SMG6: variants seen among roughly 807,000 people sequenced by gnomAD.
SMG6 encodes the protein SMG6 nonsense mediated mRNA decay factor, also known as telomerase-binding protein EST1A.
A neutral mutation model predicts 142.2 loss-of-function variants in SMG6; 66 were observed. The ratio of observed to expected loss-of-function variants is 0.46; its 90% CI spans 0.38 to 0.57. The LOEUF (loss-of-function observed/expected upper bound fraction) is 0.57, where lower values mean the gene tolerates loss of function less well. SMG6 is among the 20% of genes least tolerant of loss of function. SMG6 has a pLI of 0.00. For synonymous variants in SMG6, 779 were observed against 702.4 expected (o/e 1.11, Z -1.72); for missense variants, 1,793 against 1,832.0 (o/e 0.98, Z 0.39).
chr17:2,277,165 ATTTTTTATTTTTTTT>A (rs2074674394), intron 8 of SMG6, among the ~76,000 whole-genome samples: 5 of 63,432 alleles, frequency 7.9e-5, no homozygotes, highest in African/African-American at 1.8e-4. Context: ...TTATTTATTT[ATTTTTTATTTTTTTT>A]TTTTTTGAGA....
rs762565331 is a variant in SMG6, at chr17:2,300,579, C to A, written c.174G>T (p.Arg58=). 1 of 1,613,998 alleles carries A rather than the reference C, an allele frequency of 6.2e-7. No homozygotes were observed. The highest frequency in any genetic ancestry group is 2.2e-5 in the East Asian group (1 of 44,880). Reference sequence around the variant, plus strand: ...CCTTGATTTTGGGCTTGTTCCTTAGCCGAGAAAGGCCAGGCTTATAGATTT... The same window carrying A: ...CCTTGATTTTGGGCTTGTTCCTTAGACGAGAAAGGCCAGGCTTATAGATTT... ...DLEIYKPGLS[R]LRNKPKIKEP... The change falls in exon 2 of 19, where the codon CGG becomes CGT. Residue 58 remains arginine (R), a synonymous_variant. Transcript: ENST00000263073.
At chr17:2,131,006 A>C (rs1192838549) in intron 13 of SMG6, among the ~76,000 whole-genome samples, 6 of 152,188 alleles carry the variant, frequency 3.9e-5, no homozygotes, top group Non-Finnish European at 8.8e-5. Context: ...TCCGTCTTTA[A>C]AAAAAGATCA....
chr17:2,224,924 T>A (rs1597643852), intron 10 of SMG6, among the ~76,000 whole-genome samples: 1 of 152,142 alleles, frequency 6.6e-6, no homozygotes, highest in African/African-American at 2.4e-5. Flanking sequence ...ATAGCTGACT[T>A]TAATCAACAA....
intron 13 of SMG6, among the ~76,000 whole-genome samples, chr17:2,119,110 T>G (rs1449985992): frequency 6.7e-6 from 1 of 150,196 alleles, no homozygotes; most frequent in East Asian, 2.0e-4. Flanking sequence ...CAGGCTGGAG[T>G]GCAGTGGCAC....
chr17:2,214,670 T>C (rs906323591), intron 10 of SMG6, among the ~76,000 whole-genome samples: 2 of 152,166 alleles, frequency 1.3e-5, no homozygotes, highest in African/African-American at 2.4e-5. Flanking sequence ...AAGGGCAAAA[T>C]GTGACTGTCA....
At chr17:2,120,762 G>A (rs2069663946) in intron 13 of SMG6, among the ~76,000 whole-genome samples, 1 of 152,232 alleles carries the variant, frequency 6.6e-6, no homozygotes, top group East Asian at 1.9e-4. Context: ...TCATCAGGGA[G>A]ATACAAATTA....
At chr17:2,166,971 C>CA (rs2071357444) in intron 13 of SMG6, among the ~76,000 whole-genome samples, 1 of 151,410 alleles carries the variant, frequency 6.6e-6, no homozygotes, top group African/African-American at 2.4e-5. Flanking sequence ...ACTAAAAATA[C>CA]AAAAAAATTA....
rs758996856 is a variant in SMG6, at chr17:2,282,671, C to G, written c.2637G>C (p.Gly879=). 1 of 1,614,070 alleles carries G rather than the reference C, an allele frequency of 6.2e-7. No individual in the cohort carries two copies. The highest frequency in any genetic ancestry group is 8.5e-7 in the Non-Finnish European group (1 of 1,180,012). ...CATCACTGGGACTCAGGCTGCCCAG[C>G]CCATTCTCTTGCTCAGAATCCTTCC... ...ESGKDSEQEN[G]LGSLSPSDLN... is the part of the protein sequence containing the mutation. The change falls in exon 8 of 19, where the codon GGG becomes GGC. Residue 879 remains glycine (G), a synonymous_variant. Coordinates refer to ENST00000263073, the MANE Select transcript of SMG6 (RefSeq NM_017575.5).
Position 2,068,040 on chromosome 17 carries a change from TGAGCCCA to T in SMG6, c.3835+731_3835+737del, listed in dbSNP as rs772642825. On this transcript the variant is annotated intron_variant, in intron 16 of 18. Transcript: ENST00000263073. The surrounding 1 kb of genome is among the most constrained non-coding windows in gnomAD (Gnocchi z 6.7). ...CTCCACAGAGGCCATCAGCTAGATA[TGAGCCCA>T]GAGCCCAGAGCCCACCCTGAGGCTG... Among the ~76,000 whole-genome samples the T allele has an allele frequency of 6.6e-5, 10 of 152,136 alleles. No individual in the cohort carries two copies. The highest frequency in any genetic ancestry group is 1.2e-4 in the Non-Finnish European group (8 of 68,016).
intron 13 of SMG6, among the ~76,000 whole-genome samples, chr17:2,106,224 T>A (rs2069151522): frequency 6.6e-6 from 1 of 152,192 alleles, no homozygotes; most frequent in Non-Finnish European, 1.5e-5. Flanking sequence ...CTTTTCTTCT[T>A]GTCTCTTTTC....
intron 13 of SMG6, among the ~76,000 whole-genome samples, chr17:2,169,112 T>C (rs2071427391): frequency 6.7e-6 from 1 of 149,896 alleles, no homozygotes; most frequent in Non-Finnish European, 1.5e-5. Flanking sequence ...CTACTCAAAA[T>C]ACAAAAAATT....
At chr17:2,292,406 G>A in intron 6 of SMG6, 146 bp downstream of exon 6, 2 of 771,068 alleles carry the variant, frequency 2.6e-6, no homozygotes, top group Non-Finnish European at 4.3e-6. Context: ...AATTCTGAGA[G>A]TAACCGTAAC....
intron 10 of SMG6, among the ~76,000 whole-genome samples, chr17:2,200,625 CA>C (rs2072490984): frequency 6.6e-6 from 1 of 152,148 alleles, no homozygotes; most frequent in South Asian, 2.1e-4. Context: ...CTCAGCCTCC[CA>C]AAGTGCAAGA....
chr17:2,063,523 G>A (rs2067846311), intron 18 of SMG6, among the ~76,000 whole-genome samples: 1 of 152,218 alleles, frequency 6.6e-6, no homozygotes, highest in African/African-American at 2.4e-5. Flanking sequence ...GGACTAGTAG[G>A]ACCAAAGCCA....
rs762148005 is a variant in SMG6, at chr17:2,085,886, A to C, written c.3373T>G (p.Cys1125Gly). Residue 1125 changes from cysteine (C) to glycine (G), a missense_variant, in exon 14 of 19, where the codon TGC (cysteine) becomes GGC (glycine). Physicochemically the swap from Cys to Gly is radical, Grantham distance 159. Around this residue, in one of 3 missense-constraint regions of SMG6, gnomAD observed 1,597 missense variants for 1,584.6 expected, o/e 1.01. Coordinates refer to ENST00000263073, the MANE Select transcript of SMG6 (RefSeq NM_017575.5). The surrounding 1 kb of genome is among the most constrained non-coding windows in gnomAD (Gnocchi z 4.1). ...TACTTCAGCACTGTGACCCTTTTGC[A>C]GTCAGCTGCAATAACCTACAGGGTG... ...KTSDKVIAAD[C>G]KRVTVLKYFL... The C allele has an allele frequency of 6.2e-7, 1 of 1,614,156 alleles. No homozygotes were observed. The highest frequency in any genetic ancestry group is 8.5e-7 in the Non-Finnish European group (1 of 1,180,002).
chr17:2,160,211 T>C (rs1228309576), intron 13 of SMG6, among the ~76,000 whole-genome samples: 2 of 152,312 alleles, frequency 1.3e-5, no homozygotes, highest in Non-Finnish European at 2.9e-5. Flanking sequence ...AGGTATTAAC[T>C]ATAAATTTAT....
At chr17:2,117,489 T>C (rs1042254812) in intron 13 of SMG6, 2 of 152,202 alleles carry the variant, frequency 1.3e-5, no homozygotes, top group African/African-American at 2.4e-5. Flanking sequence ...AAAAGTCAAT[T>C]GTATTTTCAT....
At chr17:2,149,858 C>T (rs1265371332) in intron 13 of SMG6, among the ~76,000 whole-genome samples, 2 of 152,198 alleles carry the variant, frequency 1.3e-5, no homozygotes, top group Non-Finnish European at 2.9e-5. Context: ...AGTTCTAAGT[C>T]CACAGGACTT....
intron 13 of SMG6, among the ~76,000 whole-genome samples, chr17:2,171,636 A>T (rs1291800556): frequency 6.6e-6 from 1 of 151,990 alleles, no homozygotes; most frequent in Non-Finnish European, 1.5e-5. Flanking sequence ...CGCTTCTCAA[A>T]GTGCTGGGAT....
Sources: allele counts gnomAD v4.1 joint callset (sites outside exome capture counted in the v4.1 genomes callset), GRCh38; gene constraint gnomAD v4.1.1; regional missense constraint gnomAD v4.1.1; non-coding constraint Gnocchi (gnomAD v3.1); transcripts MANE v1.5; gene names NCBI Gene and HGNC (gene_info 2026-07-23, HGNC 2026-07-21).